The following CFAP47 variants were observed in gnomAD, a reference collection of about 807,000 sequenced individuals.
CFAP47 encodes cilia- and flagella-associated protein 47.
In CFAP47, 29 loss-of-function variants were observed where a neutral mutation model predicts 148.1. That is an observed-to-expected ratio of 0.20 (90% confidence interval 0.15 to 0.27). The LOEUF (loss-of-function observed/expected upper bound fraction) is 0.27, where lower values mean the gene tolerates loss of function less well. CFAP47 is among the 10% of genes least tolerant of loss of function. The probability of loss-of-function intolerance (pLI) is 1.00; values close to 1 mark genes in which losing one functional copy is unlikely to be tolerated. For missense variants in CFAP47, 1,872 were observed against 1,697.5 expected (o/e 1.10, Z -1.81); for synonymous variants, 664 against 577.3 (o/e 1.15, Z -2.15).
At chrX:36,197,078 G>A (rs988006532) in intron 42 of CFAP47, among the ~76,000 whole-genome samples, 3 of 111,429 alleles carry the variant, frequency 2.7e-5, no homozygotes, top group East Asian at 2.8e-4. Context: ...CATTATTTTC[G>A]ATTATATTAA....
At chrX:36,229,856 C>T (rs1259875068) in intron 46 of CFAP47, among the ~76,000 whole-genome samples, 6 of 95,758 alleles carry the variant, frequency 6.3e-5, no homozygotes, top group Admixed American at 1.2e-4. Context: ...TGAGAATATG[C>T]GGTGTTTGGT....
At chrX:36,266,556 T>C (rs1556001077) in intron 49 of CFAP47, among the ~76,000 whole-genome samples, 1 of 109,214 alleles carries the variant, frequency 9.2e-6, no homozygotes, top group East Asian at 3.0e-4. Flanking sequence ...GGGACAGTGG[T>C]GAGGTTGCAG....
chrX:35,981,431 A>G (rs1936643180), intron 15 of CFAP47, among the ~76,000 whole-genome samples: 1 of 108,741 alleles, frequency 9.2e-6, no homozygotes. Flanking sequence ...GCTTAAATCC[A>G]GAGAAACAGG....
At chrX:35,952,361 A>G (rs765485839) in intron 6 of CFAP47, among the ~76,000 whole-genome samples, 5 of 111,850 alleles carry the variant, frequency 4.5e-5, no homozygotes, top group Non-Finnish European at 7.5e-5. Flanking sequence ...ATTATTGCTG[A>G]CTATCCTAAG....
In CFAP47 at chrX:36,201,303, T is replaced by G. The variant is rs1172662203; in HGVS notation, c.6466T>G (p.Leu2156Val). The change falls in exon 44 of 64, where the codon TTG (leucine) becomes GTG (valine). Residue 2156 changes from leucine (L) to valine (V), a missense_variant. Coordinates refer to ENST00000378653, the MANE Select transcript of CFAP47 (RefSeq NM_001304548.2). ...GPNKKYPVLY[L>V]KCKPYQILYV... ...TAATAAGAAATACCCAGTTCTGTAT[T>G]TGAAATGCAAACCCTATCAAATCCT... The G allele has an allele frequency of 6.8e-6, 2 of 295,843 alleles. No homozygotes were observed. Among genetic ancestry groups the G allele is most frequent in the Non-Finnish European group, 1.2e-5 (2 of 169,847 alleles). 24.4% of individuals were successfully genotyped at this position (295,843 alleles called of 1,213,427 possible). A position where few individuals can be genotyped will look rare whatever the true frequency, so the allele number is the denominator to read the frequency against.
chrX:35,980,873 G>A (rs767046968), intron 15 of CFAP47, among the ~76,000 whole-genome samples: 1 of 109,910 alleles, frequency 9.1e-6, no homozygotes, highest in South Asian at 3.8e-4. Context: ...TATTTTTTAC[G>A]TGTATTATCA....
chrX:35,986,018 T>C, intron 15 of CFAP47: 1 of 267,985 alleles, frequency 3.7e-6, no homozygotes, highest in South Asian at 4.2e-5. Flanking sequence ...AAATTGCCCA[T>C]GGTCTCAGGT....
chrX:35,940,246 G>C (rs1196221376), intron 2 of CFAP47, among the ~76,000 whole-genome samples: 8 of 111,035 alleles, frequency 7.2e-5, no homozygotes, highest in Non-Finnish European at 1.1e-4. Context: ...TTTGTAGGTT[G>C]CCTGTTCACT....
intron 33 of CFAP47, among the ~76,000 whole-genome samples, chrX:36,134,944 T>C (rs73197130): frequency 0.037 from 4,069 of 110,792 alleles, 105 homozygotes; most frequent in African/African-American, 0.087. Flanking sequence ...CAAAAAAAGA[T>C]AGAAAGATAG....
At chrX:35,989,817 A>G (rs1012984075) in intron 16 of CFAP47, 1 of 200,944 alleles carries the variant, frequency 5.0e-6, no homozygotes, top group Non-Finnish European at 9.0e-6. Context: ...TTCCCACTCA[A>G]TGTTCTTAGA....
At chrX:36,068,217 C>T (rs1037031386) in intron 27 of CFAP47, among the ~76,000 whole-genome samples, 2 of 111,973 alleles carry the variant, frequency 1.8e-5, no homozygotes, top group Admixed American at 1.9e-4. Flanking sequence ...TAGAAGATCC[C>T]TGCCTCTGCA....
intron 45 of CFAP47, among the ~76,000 whole-genome samples, chrX:36,228,320 A>T (rs1555991810): frequency 9.0e-6 from 1 of 110,988 alleles, no homozygotes; most frequent in Non-Finnish European, 1.9e-5. Context: ...TTTTCCCCTG[A>T]CCTCTCAGCC....
Position 36,377,855 on chromosome X carries a change from C to T in CFAP47, c.9186-1495C>T, listed in dbSNP as rs782084753. 6.2e-5 allele frequency among the ~76,000 whole-genome samples: 7 copies of T among 112,157 alleles called. No individual in the cohort carries two copies. In the East Asian group the frequency reaches 1.4e-3, roughly 22 times the overall value. The stretch of plus-strand genomic sequence containing the variant: ...TTTGTGTGTCAGGCATTAATCTAAT[C>T]GCTTTGCAGTGACTATTAACAATTT... On this transcript the variant is annotated intron_variant, in intron 62 of 63. Transcript: ENST00000378653.
In CFAP47 at chrX:36,057,807, C is replaced by T. The variant is rs905270459; in HGVS notation, c.4218-7836C>T. 6.5e-4 allele frequency among the ~76,000 whole-genome samples: 72 copies of T among 111,459 alleles called. 1 individual carries two copies. Among genetic ancestry groups the T allele is most frequent in the African/African-American group, 2.3e-3 (71 of 30,707 alleles). On this transcript the variant is annotated intron_variant, in intron 26 of 63. Coordinates refer to ENST00000378653, the MANE Select transcript of CFAP47 (RefSeq NM_001304548.2). The stretch of plus-strand genomic sequence containing the variant: ...TAAATCTGGAAGCAAATGTTAGCCC[C>T]ATAATCTTAATAGTATTCTATGTAA...
intron 30 of CFAP47, 24 bp from the exon 31 acceptor site, chrX:36,098,769 T>C: frequency 1.1e-6 from 1 of 928,387 alleles, no homozygotes; most frequent in Non-Finnish European, 1.5e-6. Flanking sequence ...TATTATAATT[T>C]GAGTTTTTCT....
At chrX:36,183,266 A>T (rs1939770881) in intron 40 of CFAP47, among the ~76,000 whole-genome samples, 1 of 110,901 alleles carries the variant, frequency 9.0e-6, no homozygotes, top group African/African-American at 3.3e-5. Flanking sequence ...TTGCAGTGAG[A>T]TGAGATTGCG....
At chrX:36,145,063 A>T in intron 35 of CFAP47, 156 bp from the exon 36 acceptor site, 1 of 297,338 alleles carries the variant, frequency 3.4e-6, no homozygotes, top group East Asian at 5.1e-5. Flanking sequence ...ATTCCCGTTT[A>T]TATATATATA....
intron 45 of CFAP47, among the ~76,000 whole-genome samples, chrX:36,221,196 A>G (rs1555990736): frequency 2.7e-5 from 3 of 111,629 alleles, no homozygotes; most frequent in Non-Finnish European, 5.7e-5. Context: ...AGAAATAATG[A>G]TAAGAATAAA....
At chrX:36,099,109 T>C (rs1180796643) in intron 31 of CFAP47, among the ~76,000 whole-genome samples, 2 of 111,686 alleles carry the variant, frequency 1.8e-5, no homozygotes, top group East Asian at 5.7e-4. Flanking sequence ...AATTCCTACT[T>C]TGGAGAATTT....
Sources: gnomAD v4.1 joint callset for allele counts (sites outside exome capture counted in the v4.1 genomes callset) on GRCh38, gnomAD v4.1.1 for gene constraint, MANE v1.5 for transcripts, NCBI Gene and HGNC (gene_info 2026-07-23, HGNC 2026-07-21) for gene names.